HAPLN1: variants seen among roughly 807,000 people sequenced by gnomAD.
HAPLN1 encodes Cartilage link protein.
HAPLN1 carries 13 observed loss-of-function variants against 36.5 expected under a neutral mutation model. The observed-to-expected ratio is 0.36, with a 90% CI of 0.23 to 0.57. The LOEUF is 0.57. Ranked by LOEUF, HAPLN1 falls within the 20% of genes least tolerant of loss-of-function variation. The probability of loss-of-function intolerance (pLI) is 0.83; values close to 1 mark genes in which losing one functional copy is unlikely to be tolerated. For missense variants in HAPLN1, 407 were observed against 439.7 expected (o/e 0.93, Z 0.66); for synonymous variants, 202 against 169.8 (o/e 1.19, Z -1.48).
intron 1 of HAPLN1, among the ~76,000 whole-genome samples, chr5:83,707,507 G>A (rs1274691816): frequency 6.6e-6 from 1 of 152,170 alleles, no homozygotes; most frequent in Non-Finnish European, 1.5e-5. Context: ...ACAATAAGTG[G>A]TGCTGGGATT....
Position 83,673,886 on chromosome 5 carries a change from C to T in HAPLN1, c.-26-337G>A, listed in dbSNP as rs147324146. On this transcript the variant is annotated intron_variant, in intron 1 of 4. Coordinates refer to ENST00000274341, the MANE Select transcript of HAPLN1 (RefSeq NM_001884.4). The stretch of plus-strand genomic sequence containing the variant: ...ATACACACTCTTAAAAAAATGTAAG[C>T]CTCTGAATTTGCAACATAAGTTAAT... 2.8e-4 allele frequency: 60 copies of T among 217,940 alleles called. No individual in the cohort carries two copies. In the East Asian group the frequency reaches 8.5e-3, roughly 31 times the overall value. The allele number at this position is 217,940 out of a possible 1,614,324, so 13.5% of individuals were successfully genotyped here. A position where few individuals can be genotyped will look rare whatever the true frequency, so the allele number is the denominator to read the frequency against.
Position 83,652,718 on chromosome 5 carries a change from T to G in HAPLN1, c.207A>C (p.Ala69=). The G allele has an allele frequency of 2.5e-6, 4 of 1,614,120 alleles. No individual in the cohort carries two copies. Among genetic ancestry groups the G allele is most frequent in the Non-Finnish European group, 3.4e-6 (4 of 1,180,000 alleles). Residue 69 remains alanine (A), a synonymous_variant, in exon 3 of 5, where the codon GCA becomes GCC. Coordinates refer to ENST00000274341, the MANE Select transcript of HAPLN1 (RefSeq NM_001884.4). ...GGATTTTATGGATTCCTGAGCCAAA[T>G]GCTGTAGGGTCTCGATAAAATTTAC... ...LPCKFYRDPT[A]FGSGIHKIRI...
chr5:83,641,418 A>C lies in HAPLN1; in HGVS notation c.*78T>G. The C allele has an allele frequency of 1.5e-6, 2 of 1,353,566 alleles. 1 individual carries two copies. Among genetic ancestry groups the C allele is most frequent in the South Asian group, 3.1e-5 (2 of 65,408 alleles). 83.8% of individuals were successfully genotyped at this position (1,353,566 alleles called of 1,614,324 possible). ...GGTTATCACAGTTTTGGTAACTTGCATGAGTTCATATTGGAAAAAAAAAAC... is the reference window on the plus strand; with the variant it reads ...GGTTATCACAGTTTTGGTAACTTGCCTGAGTTCATATTGGAAAAAAAAAAC... On this transcript the variant is annotated 3_prime_UTR_variant, in exon 5 of 5. Coordinates refer to ENST00000274341, the MANE Select transcript of HAPLN1 (RefSeq NM_001884.4).
At chr5:83,690,160 C>G (rs1751238876) in intron 1 of HAPLN1, among the ~76,000 whole-genome samples, 1 of 152,026 alleles carries the variant, frequency 6.6e-6, no homozygotes, top group Non-Finnish European at 1.5e-5. Flanking sequence ...TCTGTTTGTG[C>G]TGGATATAAT....
At chr5:83,703,654 A>G (rs894745069) in intron 1 of HAPLN1, 27 of 152,210 alleles carry the variant, frequency 1.8e-4, no homozygotes, top group African/African-American at 6.0e-4. Flanking sequence ...AAGAAAAAAG[A>G]ACGAAGAAGA....
At chr5:83,710,608 A>T (rs934756531) in intron 1 of HAPLN1, among the ~76,000 whole-genome samples, 1 of 152,142 alleles carries the variant, frequency 6.6e-6, no homozygotes, top group African/African-American at 2.4e-5. Flanking sequence ...GACATTAGAA[A>T]AGGTTTATGT....
chr5:83,666,544 T>C (rs1357956102), intron 2 of HAPLN1, among the ~76,000 whole-genome samples: 1 of 152,178 alleles, frequency 6.6e-6, no homozygotes, highest in African/African-American at 2.4e-5. Flanking sequence ...ATTATAGAAC[T>C]GTATTGTTTT....
intron 1 of HAPLN1, among the ~76,000 whole-genome samples, chr5:83,684,904 T>C (rs151185946): frequency 1.1e-3 from 167 of 152,270 alleles, no homozygotes; most frequent in Non-Finnish European, 2.1e-3. Flanking sequence ...ACATGCATAC[T>C]CTGTTTACTA....
At chr5:83,647,617 G>A (rs914720694) in intron 3 of HAPLN1, among the ~76,000 whole-genome samples, 3 of 152,066 alleles carry the variant, frequency 2.0e-5, no homozygotes, top group African/African-American at 7.2e-5. Context: ...TCTTACAGCT[G>A]AATTCTGGAG....
At chr5:83,687,367 C>A (rs1455720426) in intron 1 of HAPLN1, among the ~76,000 whole-genome samples, 2 of 152,176 alleles carry the variant, frequency 1.3e-5, no homozygotes, top group African/African-American at 4.8e-5. Context: ...TCAAAATAAG[C>A]CTCTCAGCAA....
At chr5:83,683,420 G>A (rs986177564) in intron 1 of HAPLN1, among the ~76,000 whole-genome samples, 1 of 152,182 alleles carries the variant, frequency 6.6e-6, no homozygotes, top group Non-Finnish European at 1.5e-5. Flanking sequence ...GAGCAGCTAC[G>A]AAAAACTAAG....
At chr5:83,700,514 A>G (rs1402122830) in intron 1 of HAPLN1, among the ~76,000 whole-genome samples, 1 of 152,114 alleles carries the variant, frequency 6.6e-6, no homozygotes, top group Non-Finnish European at 1.5e-5. Flanking sequence ...AAAGGAGAAA[A>G]TTTTGCAAAT....
chr5:83,690,825 T>C (rs1580153556), intron 1 of HAPLN1, among the ~76,000 whole-genome samples: 2 of 152,176 alleles, frequency 1.3e-5, no homozygotes, highest in East Asian at 3.9e-4. Context: ...AGTCCTTTAA[T>C]ACTATCCTGA....
intron 1 of HAPLN1, among the ~76,000 whole-genome samples, chr5:83,688,851 T>G (rs1751205213): frequency 6.6e-6 from 1 of 152,040 alleles, no homozygotes; most frequent in African/African-American, 2.4e-5. Context: ...AAAATTCCTC[T>G]AATAAAGCCA....
At chr5:83,709,040 T>C (rs1486876385) in intron 1 of HAPLN1, among the ~76,000 whole-genome samples, 1 of 152,146 alleles carries the variant, frequency 6.6e-6, no homozygotes, top group Non-Finnish European at 1.5e-5. Flanking sequence ...CATGCCCTGA[T>C]AATTTTTTTT....
intron 3 of HAPLN1, among the ~76,000 whole-genome samples, chr5:83,648,395 CTATATATATATATATATATATATATATA>C (rs56115447): frequency 1.5e-4 from 9 of 60,658 alleles, no homozygotes; most frequent in East Asian, 9.9e-4. Flanking sequence ...CTATATTTGA[CTATATATATATATATATATATATATATA>C]TATATATATA....
intron 2 of HAPLN1, among the ~76,000 whole-genome samples, chr5:83,669,548 T>C (rs1396549758): frequency 6.6e-6 from 1 of 152,076 alleles, no homozygotes; most frequent in Non-Finnish European, 1.5e-5. Context: ...AATGGGGACA[T>C]TTTAAATTGT....
intron 2 of HAPLN1, among the ~76,000 whole-genome samples, chr5:83,662,545 G>A (rs1233320655): frequency 2.6e-5 from 4 of 152,056 alleles, no homozygotes; most frequent in Non-Finnish European, 5.9e-5. Context: ...AAGAACACAA[G>A]AAAATGAAAT....
chr5:83,690,651 C>T (rs1364858057), intron 1 of HAPLN1, among the ~76,000 whole-genome samples: 1 of 151,792 alleles, frequency 6.6e-6, no homozygotes, highest in Non-Finnish European at 1.5e-5. Context: ...TCAGATAAGG[C>T]CTTTCCATTT....
Sources: allele counts gnomAD v4.1 joint callset (sites outside exome capture counted in the v4.1 genomes callset), GRCh38; gene constraint gnomAD v4.1.1; transcripts MANE v1.5; gene names NCBI Gene and HGNC (gene_info 2026-07-23, HGNC 2026-07-21).